MSN: variants seen among roughly 807,000 people sequenced by gnomAD.
MSN encodes epididymis luminal protein 70.
In MSN, 2 loss-of-function variants were observed where a neutral mutation model predicts 48.0. That is an observed-to-expected ratio of 0.04 (90% CI 0.02 to 0.13). MSN has a LOEUF of 0.13. Among genes scored for constraint, MSN ranks in the 10% least tolerant of loss-of-function variants. The pLI is 1.00. For missense variants in MSN, 267 were observed against 470.1 expected (o/e 0.57, Z 3.99); for synonymous variants, 146 against 166.9 (o/e 0.87, Z 0.97).
At position 65,731,923 on chromosome X, in the gene MSN, G is replaced by A; in HGVS notation, c.637G>A (p.Gly213Ser). The A allele has an allele frequency of 1.7e-6, 2 of 1,210,775 alleles. No homozygotes were observed. Among genetic ancestry groups the A allele is most frequent in the Non-Finnish European group, 2.2e-6 (2 of 895,191 alleles). Residue 213 changes from glycine (G) to serine (S), a missense_variant, in exon 6 of 13, where the codon GGC (glycine) becomes AGC (serine). Around this residue, in one of 5 missense-constraint regions of MSN, gnomAD observed 2 missense variants for 22.6 expected, o/e 0.09. Coordinates refer to ENST00000360270, the MANE Select transcript of MSN (RefSeq NM_002444.3). ...VNYFSIKNKK[G>S]SELWLGVDAL... The stretch of plus-strand genomic sequence containing the variant: ...CTACTTCAGCATCAAGAACAAGAAA[G>A]GCTCAGAGCTGTGGCTGGGGGTGGA...
intron 1 of MSN, among the ~76,000 whole-genome samples, chrX:65,648,599 G>A (rs6525001): frequency 0.24 from 25,853 of 109,138 alleles, 7,670 homozygotes; most frequent in African/African-American, 0.83. Context: ...AGGACTGGAC[G>A]TGGTGGCCCA....
intron 1 of MSN, among the ~76,000 whole-genome samples, chrX:65,685,048 G>A (rs1440517639): frequency 1.8e-5 from 2 of 112,371 alleles, no homozygotes; most frequent in East Asian, 5.6e-4. Flanking sequence ...ATGAATTGGT[G>A]GAACACTTAA....
chrX:65,693,903 A>T (rs1399028787), intron 1 of MSN, among the ~76,000 whole-genome samples: 2 of 110,544 alleles, frequency 1.8e-5, no homozygotes, highest in Non-Finnish European at 3.8e-5. Context: ...AATACAAAAA[A>T]TTAGCCGGGC....
At chrX:65,681,249 ACTT>A (rs1327336920) in intron 1 of MSN, among the ~76,000 whole-genome samples, 1 of 111,590 alleles carries the variant, frequency 9.0e-6, no homozygotes. Context: ...CTTTGTAAGA[ACTT>A]CTGTTATGTT....
At chrX:65,593,576 T>C (rs916572195) in intron 1 of MSN, among the ~76,000 whole-genome samples, 6 of 111,802 alleles carry the variant, frequency 5.4e-5, no homozygotes, top group Non-Finnish European at 9.4e-5. Context: ...GGAGTCTTGC[T>C]CTGTCACCCA....
intron 1 of MSN, chrX:65,624,815 G>T (rs1180750831): frequency 1.1e-5 from 1 of 88,680 alleles, no homozygotes; most frequent in African/African-American, 4.2e-5. Flanking sequence ...AGAAAGAAAA[G>T]AAAAGAAAGA....
chrX:65,655,227 G>A (rs2070773005), intron 1 of MSN, among the ~76,000 whole-genome samples: 2 of 111,067 alleles, frequency 1.8e-5, no homozygotes, highest in Admixed American at 9.6e-5. Context: ...AAGTCAGATA[G>A]GCTTGTTTCA....
intron 1 of MSN, among the ~76,000 whole-genome samples, chrX:65,660,838 T>C (rs780768836): frequency 8.9e-6 from 1 of 111,980 alleles, no homozygotes; most frequent in African/African-American, 3.2e-5. Flanking sequence ...GTGCTGGGAT[T>C]GTAGGCGTGG....
chrX:65,647,643 G>T (rs1325673299), intron 1 of MSN, among the ~76,000 whole-genome samples: 1 of 112,416 alleles, frequency 8.9e-6, no homozygotes, highest in African/African-American at 3.2e-5. Flanking sequence ...GTGAAGGTGG[G>T]GAAACATGTG....
chrX:65,720,901 A>G (rs2071510308), intron 2 of MSN, among the ~76,000 whole-genome samples: 1 of 112,075 alleles, frequency 8.9e-6, no homozygotes, highest in Admixed American at 9.5e-5. Flanking sequence ...TCTTCTTGTG[A>G]GTGTGCTACA....
chrX:65,693,244 T>C (rs942415833), intron 1 of MSN, among the ~76,000 whole-genome samples: 1 of 111,997 alleles, frequency 8.9e-6, no homozygotes, highest in African/African-American at 3.2e-5. Context: ...ATTAAAATTG[T>C]ACTTTTCAAA....
intron 1 of MSN, among the ~76,000 whole-genome samples, chrX:65,692,829 A>G (rs1272398887): frequency 9.0e-6 from 1 of 110,937 alleles, no homozygotes; most frequent in Non-Finnish European, 1.9e-5. Flanking sequence ...ACAGGCGCCC[A>G]CCACCACTCC....
At chrX:65,723,456 A>C in intron 2 of MSN, among the ~76,000 whole-genome samples, 1 of 111,126 alleles carries the variant, frequency 9.0e-6, no homozygotes, top group Non-Finnish European at 1.9e-5. Context: ...AGCTTTGAGA[A>C]ATACTGGCTC....
At chrX:65,602,657 G>A (rs1176409164) in intron 1 of MSN, among the ~76,000 whole-genome samples, 4 of 111,417 alleles carry the variant, frequency 3.6e-5, no homozygotes, top group African/African-American at 1.3e-4. Context: ...GTGTGACAGT[G>A]GGCAGTGGCT....
intron 1 of MSN, among the ~76,000 whole-genome samples, chrX:65,654,307 G>C (rs373897373): frequency 1.3e-4 from 14 of 107,019 alleles, no homozygotes; most frequent in Non-Finnish European, 1.9e-4. Flanking sequence ...TTTTTTAGTA[G>C]AGACAGGGTT....
At chrX:65,718,108 C>A (rs888073166) in intron 2 of MSN, among the ~76,000 whole-genome samples, 1 of 110,640 alleles carries the variant, frequency 9.0e-6, no homozygotes, top group African/African-American at 3.3e-5. Flanking sequence ...ATCCAGGACT[C>A]AGTGTATGCT....
intron 1 of MSN, among the ~76,000 whole-genome samples, chrX:65,688,360 G>A (rs1213374657): frequency 2.7e-5 from 3 of 111,843 alleles, no homozygotes; most frequent in Non-Finnish European, 5.6e-5. Flanking sequence ...TTACAGGTGT[G>A]AGCCAACACA....
intron 1 of MSN, among the ~76,000 whole-genome samples, chrX:65,592,977 G>T: frequency 9.0e-6 from 1 of 111,423 alleles, no homozygotes; most frequent in Non-Finnish European, 1.9e-5. Flanking sequence ...GGAGAAGGAG[G>T]TTGCAATGAG....
At chrX:65,682,740 A>C (rs2071069902) in intron 1 of MSN, among the ~76,000 whole-genome samples, 1 of 112,402 alleles carries the variant, frequency 8.9e-6, no homozygotes, top group Non-Finnish European at 1.9e-5. Context: ...TATTTATTGA[A>C]TAGATATGTT....
Sources: allele counts gnomAD v4.1 joint callset (sites outside exome capture counted in the v4.1 genomes callset), GRCh38; gene constraint gnomAD v4.1.1; regional missense constraint gnomAD v4.1.1; transcripts MANE v1.5; gene names NCBI Gene and HGNC (gene_info 2026-07-23, HGNC 2026-07-21).